SUPT5H: variants seen among roughly 807,000 people sequenced by gnomAD.
The protein encoded by SUPT5H is SPT5 homolog, DSIF elongation factor subunit.
SUPT5H carries 24 observed loss-of-function variants against 142.5 expected under a neutral mutation model. The ratio of observed to expected loss-of-function variants is 0.17; its 90% CI spans 0.12 to 0.24. The LOEUF is 0.24. Among genes scored for constraint, SUPT5H ranks in the 10% least tolerant of loss-of-function variants. SUPT5H has a pLI of 1.00. For synonymous variants in SUPT5H, 546 were observed against 553.0 expected, an observed-to-expected ratio of 0.99 and a Z score of 0.18; for missense variants, 893 against 1,471.8, an observed-to-expected ratio of 0.61 and a Z score of 6.43.
At chr19:39,471,855 C>T in intron 20 of SUPT5H, 125 bp downstream of exon 20, 1 of 1,347,294 alleles carries the variant, frequency 7.4e-7, no homozygotes, top group Non-Finnish European at 9.9e-7. Flanking sequence ...ATTGTCAGGT[C>T]CTTGGCAAAG....
At chr19:39,455,434 C>T (rs1173187290) in intron 3 of SUPT5H, among the ~76,000 whole-genome samples, 5 of 151,278 alleles carry the variant, frequency 3.3e-5, no homozygotes, top group Non-Finnish European at 7.4e-5. Flanking sequence ...TGGTGGCGGG[C>T]GCCTGTAATC....
At chr19:39,447,912 T>C (rs1212105158) in intron 2 of SUPT5H, among the ~76,000 whole-genome samples, 3 of 152,344 alleles carry the variant, frequency 2.0e-5, no homozygotes, top group African/African-American at 7.2e-5. Flanking sequence ...CCTTGTTTGA[T>C]GCACAGAAAC....
At chr19:39,455,330 G>A (rs2079073407) in intron 3 of SUPT5H, among the ~76,000 whole-genome samples, 1 of 152,132 alleles carries the variant, frequency 6.6e-6, no homozygotes, top group Admixed American at 6.5e-5. Context: ...AGGAGGCTGA[G>A]GCGGGTGGAT....
chr19:39,472,953 C>T lies in SUPT5H; in HGVS notation c.2155+24C>T. 6.2e-7 allele frequency: 1 copy of T among 1,611,702 alleles called. No individual in the cohort carries two copies. Among genetic ancestry groups the T allele is most frequent in the Non-Finnish European group, 8.5e-7 (1 of 1,178,436 alleles). ...AGGTGACCTGCGAGGCCTGTGGAGG[C>T]CTGGGGAGGGGCATGGTGAAGGAGA... On this transcript the variant is annotated intron_variant, in intron 22 of 29. Coordinates refer to ENST00000432763, the MANE Select transcript of SUPT5H (RefSeq NM_001111020.3). The surrounding 1 kb of genome is among the most constrained non-coding windows in gnomAD (Gnocchi z 4.2).
rs981927911 is a variant in SUPT5H at position 39,445,901 on chromosome 19, G to A, written c.11G>A (p.Ser4Asn). Residue 4 changes from serine to asparagine, a missense_variant, in exon 2 of 30, where the codon AGC becomes AAC. Physicochemically the swap from Ser to Asn is conservative, Grantham distance 46. Around this residue, in one of 6 missense-constraint regions of SUPT5H, gnomAD observed 70 missense variants for 70.5 expected, o/e 0.99. Coordinates refer to ENST00000432763, the MANE Select transcript of SUPT5H (RefSeq NM_001111020.3). ...CAGCAGCAGCGGAAGATGTCGGACA[G>A]CGAGGACAGCAACTTTTCCGAGGAG... Reference protein sequence around the residue: MSDSEDSNFSEEED... With the variant: MSDNEDSNFSEEED... 6.2e-7 allele frequency: 1 copy of A among 1,613,722 alleles called. No individual in the cohort carries two copies. The highest frequency in any genetic ancestry group is 1.7e-5 in the Admixed American group (1 of 60,000).
At chr19:39,465,431 A>T (rs1168771772) in intron 11 of SUPT5H, among the ~76,000 whole-genome samples, 3 of 152,194 alleles carry the variant, frequency 2.0e-5, no homozygotes, top group African/African-American at 7.2e-5. Context: ...CTGGCGTAGG[A>T]TGGGAGGGCT....
Position 39,472,404 on chromosome 19 carries a change from C to T in SUPT5H, c.1951-5C>T, listed in dbSNP as rs1434565267. The T allele has an allele frequency of 1.2e-6, 2 of 1,613,998 alleles. No homozygotes were observed. The highest frequency in any genetic ancestry group is 1.7e-6 in the Non-Finnish European group (2 of 1,179,932). On this transcript the variant is annotated splice_region_variant and splice_polypyrimidine_tract_variant and intron_variant, in intron 20 of 29. Transcript: ENST00000432763. This position sits in a 1 kb window ranked among gnomAD's most constrained non-coding sequence, Gnocchi z 4.2. ...CTGCCAGTTCACTCCTTGCTTCTAT[C>T]CTAGCCCCGTGATGTGACCAACTTC...
chr19:39,462,842 T>TC (rs907210910), intron 10 of SUPT5H, among the ~76,000 whole-genome samples: 8 of 129,674 alleles, frequency 6.2e-5, no homozygotes, highest in African/African-American at 1.9e-4. Context: ...TAATTTTCTT[T>TC]TTTTTTTTTT....
At chr19:39,463,850 T>G (rs534652199) in intron 10 of SUPT5H, among the ~76,000 whole-genome samples, 1 of 152,346 alleles carries the variant, frequency 6.6e-6, no homozygotes, top group South Asian at 2.1e-4. Flanking sequence ...TCATATACAT[T>G]TGTAATTCTA....
At chr19:39,451,453 G>A (rs774314072) in intron 2 of SUPT5H, among the ~76,000 whole-genome samples, 12 of 151,768 alleles carry the variant, frequency 7.9e-5, no homozygotes, top group African/African-American at 1.2e-4. Context: ...GAGCCACCGC[G>A]CCCAGCCTGA....
In SUPT5H at chr19:39,472,680, G is replaced by A. The variant is rs951060245; in HGVS notation, c.2036-130G>A. On this transcript the variant is annotated intron_variant, in intron 21 of 29. Transcript: ENST00000432763. The surrounding 1 kb of genome is among the most constrained non-coding windows in gnomAD (Gnocchi z 4.2). ...TCAGGGCTTCCATAGGAAAGCCATG[G>A]GGCAGGGGTGGGCAGAGGAGGCTCT... 7 of 1,445,812 alleles carry A rather than the reference G, an allele frequency of 4.8e-6. No individual in the cohort carries two copies. The East Asian group carries it at 1.2e-4, about 26-fold the overall frequency. The allele number at this position is 1,445,812 out of a possible 1,614,324, so 89.6% of individuals were successfully genotyped here. A position where few individuals can be genotyped will look rare whatever the true frequency, so the allele number is the denominator to read the frequency against.
chr19:39,447,329 G>C (rs1250114748), intron 2 of SUPT5H, among the ~76,000 whole-genome samples: 2 of 152,082 alleles, frequency 1.3e-5, no homozygotes, highest in African/African-American at 2.4e-5. Flanking sequence ...TGGAAGATGT[G>C]ATCTAATGTT....
rs774262898 is a variant in SUPT5H at position 39,473,919 on chromosome 19, G to A, written c.2493-44G>A. On this transcript the variant is annotated intron_variant, in intron 25 of 29. Transcript: ENST00000432763. This position sits in a 1 kb window ranked among gnomAD's most constrained non-coding sequence, Gnocchi z 5.8. Reference sequence around the variant, plus strand: ...GGGTGCTGTTCTGGAAGCATCCATCGCATTATCACCACAGTCGCTGTCAAC... The same window carrying A: ...GGGTGCTGTTCTGGAAGCATCCATCACATTATCACCACAGTCGCTGTCAAC... 3.7e-6 allele frequency: 6 copies of A among 1,612,952 alleles called. No individual in the cohort carries two copies. The highest frequency in any genetic ancestry group is 2.2e-5 in the South Asian group (2 of 91,072).
intron 2 of SUPT5H, among the ~76,000 whole-genome samples, chr19:39,451,319 G>C (rs770471988): frequency 2.7e-5 from 4 of 149,642 alleles, no homozygotes; most frequent in Non-Finnish European, 4.4e-5. Flanking sequence ...CTCCCAAGTA[G>C]TTGGGACTAC....
At position 39,472,685 on chromosome 19, in the gene SUPT5H, G is replaced by A. The variant is rs1211836435; in HGVS notation, c.2036-125G>A. The A allele has an allele frequency of 6.9e-7, 1 of 1,455,590 alleles. No homozygotes were observed. Among genetic ancestry groups the A allele is most frequent in the Non-Finnish European group, 9.2e-7 (1 of 1,090,300 alleles). The allele number at this position is 1,455,590 out of a possible 1,614,324, so 90.2% of individuals were successfully genotyped here. ...GCTTCCATAGGAAAGCCATGGGGCA[G>A]GGGTGGGCAGAGGAGGCTCTTAACC... is the stretch of plus-strand genomic sequence containing the variant. On this transcript the variant is annotated intron_variant, in intron 21 of 29. Transcript: ENST00000432763. This position sits in a 1 kb window ranked among gnomAD's most constrained non-coding sequence, Gnocchi z 4.2.
rs1002921263 is a variant in SUPT5H, at chr19:39,457,671, T to C, written c.242-4T>C. On this transcript the variant is annotated splice_polypyrimidine_tract_variant and splice_region_variant and intron_variant, in intron 3 of 29. Transcript: ENST00000432763. Reference sequence around the variant, plus strand: ...CCACTTACCACTTGGCCTTTCCGTTTTAGATGTTGACGATGAGTATGAGGA... The same window carrying C: ...CCACTTACCACTTGGCCTTTCCGTTCTAGATGTTGACGATGAGTATGAGGA... The C allele has an allele frequency of 6.2e-7, 1 of 1,613,434 alleles. No individual in the cohort carries two copies. Among genetic ancestry groups the C allele is most frequent in the Non-Finnish European group, 8.5e-7 (1 of 1,179,494 alleles).
chr19:39,446,000 C>T, intron 2 of SUPT5H, 35 bp downstream of exon 2: 1 of 1,600,070 alleles, frequency 6.2e-7, no homozygotes. Flanking sequence ...GACATTGCGT[C>T]TGGGGACAGG....
At chr19:39,459,287 C>T (rs748066685) in intron 8 of SUPT5H, 38 bp downstream of exon 8, 22 of 1,552,214 alleles carry the variant, frequency 1.4e-5, no homozygotes, top group Admixed American at 1.2e-4. Flanking sequence ...TGCTGGGGTG[C>T]GAATCTTGTA....
chr19:39,474,822 A>G lies in SUPT5H; in HGVS notation c.3024+104A>G. The G allele has an allele frequency of 1.5e-6, 2 of 1,322,728 alleles. No individual in the cohort carries two copies. The highest frequency in any genetic ancestry group is 2.8e-5 in the South Asian group (2 of 72,408). The allele number at this position is 1,322,728 out of a possible 1,614,324, so 81.9% of individuals were successfully genotyped here. A position where few individuals can be genotyped will look rare whatever the true frequency, so the allele number is the denominator to read the frequency against. Reference sequence around the variant, plus strand: ...GATGGTGACAGCCCAGAGTGGGCAGAGCTGGGATTGAGGAAGCCTAGAGGG... The same window carrying G: ...GATGGTGACAGCCCAGAGTGGGCAGGGCTGGGATTGAGGAAGCCTAGAGGG... On this transcript the variant is annotated intron_variant, in intron 28 of 29. Transcript: ENST00000432763. This position sits in a 1 kb window ranked among gnomAD's most constrained non-coding sequence, Gnocchi z 6.5.
Sources: allele counts gnomAD v4.1 joint callset (sites outside exome capture counted in the v4.1 genomes callset), GRCh38; gene constraint gnomAD v4.1.1; regional missense constraint gnomAD v4.1.1; non-coding constraint Gnocchi (gnomAD v3.1); transcripts MANE v1.5; gene names NCBI Gene and HGNC (gene_info 2026-07-23, HGNC 2026-07-21).